HOMER1: variants seen among roughly 807,000 people sequenced by gnomAD.
The protein encoded by HOMER1 is homer protein homolog 1.
In HOMER1, 3 loss-of-function variants were observed where a neutral mutation model predicts 48.9. The observed-to-expected ratio is 0.06, with a 90% CI of 0.03 to 0.16. HOMER1 has a LOEUF of 0.16. Ranked by LOEUF, HOMER1 falls within the 10% of genes least tolerant of loss-of-function variation. HOMER1 has a pLI of 1.00. For missense variants in HOMER1, 247 were observed against 411.4 expected, an observed-to-expected ratio of 0.60 and a Z score of 3.46; for synonymous variants, 134 against 146.4, an observed-to-expected ratio of 0.92 and a Z score of 0.61.
intron 5 of HOMER1, among the ~76,000 whole-genome samples, chr5:79,410,539 G>T (rs1021921485): frequency 8.7e-5 from 13 of 148,892 alleles, no homozygotes; most frequent in African/African-American, 3.2e-4. Context: ...GAAGTAAAAT[G>T]TTTTTGATTT....
chr5:79,486,115 T>C (rs1425957849), intron 1 of HOMER1, among the ~76,000 whole-genome samples: 2 of 152,156 alleles, frequency 1.3e-5, no homozygotes, highest in African/African-American at 4.8e-5. Context: ...TCCACCCTAG[T>C]TGACTTCCTG....
At chr5:79,438,601 A>T (rs1364865644) in intron 5 of HOMER1, among the ~76,000 whole-genome samples, 3 of 152,194 alleles carry the variant, frequency 2.0e-5, no homozygotes, top group Non-Finnish European at 4.4e-5. Flanking sequence ...CAGAGTGGAA[A>T]GCCTACTTAA....
At position 79,376,227 on chromosome 5, in the gene HOMER1, A is replaced by G. The variant is rs762403782; in HGVS notation, c.877-30T>C. 16 of 1,499,368 alleles carry G rather than the reference A, an allele frequency of 1.1e-5. No homozygotes were observed. In the African/African-American group the frequency reaches 2.2e-4, roughly 21 times the overall value. 92.9% of individuals were successfully genotyped at this position (1,499,368 alleles called of 1,614,324 possible). The stretch of plus-strand genomic sequence containing the variant: ...AGAAACAAAAGTGTAACATGTATAT[A>G]TGTCAATTCATCACTTAGAAAACAA... On this transcript the variant is annotated intron_variant, in intron 8 of 8. Coordinates refer to ENST00000334082, the MANE Select transcript of HOMER1 (RefSeq NM_004272.5).
At position 79,472,533 on chromosome 5, in the gene HOMER1, G is replaced by A. The variant is rs551115438; in HGVS notation, c.6-15515C>T. 2.6e-5 allele frequency among the ~76,000 whole-genome samples: 4 copies of A among 152,178 alleles called. No homozygotes were observed. The East Asian group carries it at 7.7e-4, about 29-fold the overall frequency. On this transcript the variant is annotated intron_variant, in intron 1 of 8. Coordinates refer to ENST00000334082, the MANE Select transcript of HOMER1 (RefSeq NM_004272.5). ...GGCTCATGCTTGTATTCCCAGGAAT[G>A]GGAGGCTGAGGTAGGAGAATCACTT...
At chr5:79,390,276 ACT>A (rs1337135919) in intron 8 of HOMER1, among the ~76,000 whole-genome samples, 8 of 151,882 alleles carry the variant, frequency 5.3e-5, no homozygotes, top group Non-Finnish European at 1.2e-4. Context: ...ACAGAGTGAG[ACT>A]CTGTCTCAAA....
At chr5:79,489,168 T>C (rs1389583796) in intron 1 of HOMER1, among the ~76,000 whole-genome samples, 2 of 152,068 alleles carry the variant, frequency 1.3e-5, no homozygotes, top group East Asian at 1.9e-4. Context: ...ATAAATGCCA[T>C]GGGGAGGTAA....
intron 1 of HOMER1, among the ~76,000 whole-genome samples, chr5:79,468,772 C>T (rs954139586): frequency 6.6e-6 from 1 of 152,140 alleles, no homozygotes; most frequent in African/African-American, 2.4e-5. Context: ...AGCACCTGTA[C>T]CAATTTACAC....
intron 1 of HOMER1, among the ~76,000 whole-genome samples, chr5:79,485,678 G>A (rs1359619122): frequency 2.0e-5 from 3 of 152,182 alleles, no homozygotes; most frequent in Admixed American, 2.0e-4. Context: ...AAAATGAAGA[G>A]CTATGAGAAA....
intron 3 of HOMER1, among the ~76,000 whole-genome samples, chr5:79,448,427 A>G (rs1750943263): frequency 6.6e-6 from 1 of 152,210 alleles, no homozygotes; most frequent in African/African-American, 2.4e-5. Context: ...AGTTTTCAGC[A>G]AAATAAAAAA....
intron 1 of HOMER1, among the ~76,000 whole-genome samples, chr5:79,500,850 C>T (rs763200473): frequency 2.0e-5 from 3 of 150,808 alleles, no homozygotes; most frequent in Non-Finnish European, 4.4e-5. Context: ...GTCTCAAACT[C>T]CTGGCCTCAA....
intron 1 of HOMER1, among the ~76,000 whole-genome samples, chr5:79,483,904 A>T (rs1752019546): frequency 6.6e-6 from 1 of 151,906 alleles, no homozygotes; most frequent in African/African-American, 2.4e-5. Context: ...AAAATACAAA[A>T]TTAGCCGGGT....
chr5:79,448,775 T>C (rs980043453), intron 3 of HOMER1, among the ~76,000 whole-genome samples: 1 of 152,138 alleles, frequency 6.6e-6, no homozygotes, highest in African/African-American at 2.4e-5. Context: ...AAATAAATTA[T>C]GATTTTGTCA....
intron 2 of HOMER1, among the ~76,000 whole-genome samples, chr5:79,456,464 A>G (rs1415872278): frequency 6.6e-6 from 1 of 152,212 alleles, no homozygotes; most frequent in Non-Finnish European, 1.5e-5. Flanking sequence ...GACAAACTTC[A>G]TAGGATATAG....
chr5:79,426,108 C>T (rs1231367201), intron 5 of HOMER1, among the ~76,000 whole-genome samples: 1 of 150,296 alleles, frequency 6.7e-6, no homozygotes, highest in African/African-American at 2.4e-5. Context: ...GATTTATTAT[C>T]AAAGGGGCAG....
intron 3 of HOMER1, 152 bp downstream of exon 3, chr5:79,450,838 A>C (rs1751008363): frequency 6.2e-6 from 4 of 648,992 alleles, no homozygotes; most frequent in Non-Finnish European, 9.9e-6. Context: ...GAATCTAATG[A>C]TCTCTTACTT....
chr5:79,457,039 T>C (rs372710482), intron 1 of HOMER1, 21 bp from the exon 2 acceptor site: 90 of 1,612,618 alleles, frequency 5.6e-5, no homozygotes, highest in African/African-American at 1.2e-4. Context: ...GAAAAGAAAA[T>C]GATGGACTGA....
At chr5:79,386,674 A>T (rs562403519) in intron 8 of HOMER1, among the ~76,000 whole-genome samples, 1 of 152,166 alleles carries the variant, frequency 6.6e-6, no homozygotes, top group South Asian at 2.1e-4. Context: ...TACCTCGAAC[A>T]CCCTGACTTG....
intron 1 of HOMER1, among the ~76,000 whole-genome samples, chr5:79,481,464 C>T (rs544322515): frequency 6.6e-6 from 1 of 152,288 alleles, no homozygotes; most frequent in East Asian, 1.9e-4. Context: ...TAACAGAGCC[C>T]TGAGTTTAAG....
intron 8 of HOMER1, among the ~76,000 whole-genome samples, chr5:79,380,581 GAAC>G (rs1433992347): frequency 1.3e-5 from 2 of 152,228 alleles, no homozygotes; most frequent in African/African-American, 4.8e-5. Flanking sequence ...CTGAGCAGCA[GAAC>G]AACAATGTGA....
Sources: allele counts gnomAD v4.1 joint callset (sites outside exome capture counted in the v4.1 genomes callset), GRCh38; gene constraint gnomAD v4.1.1; transcripts MANE v1.5; gene names NCBI Gene and HGNC (gene_info 2026-07-23, HGNC 2026-07-21).